Variants in SMARCC1 observed in about 807,000 individuals in gnomAD.
SMARCC1 encodes SWI/SNF complex subunit SMARCC1.
SMARCC1 carries 43 observed loss-of-function variants against 147.4 expected under a neutral mutation model. The ratio of observed to expected loss-of-function variants is 0.29; its 90% CI spans 0.23 to 0.38. SMARCC1 has a LOEUF of 0.38. Ranked by LOEUF, SMARCC1 falls within the 10% of genes least tolerant of loss-of-function variation. The pLI, the probability that SMARCC1 is intolerant of heterozygous loss-of-function variation, is 1.00. For synonymous variants in SMARCC1, 495 were observed against 484.4 expected, an observed-to-expected ratio of 1.02 and a Z score of -0.29; for missense variants, 1,119 against 1,381.1, an observed-to-expected ratio of 0.81 and a Z score of 3.01.
chr3:47,720,832 TAACG>T (rs961476435), intron 6 of SMARCC1, 97 bp from the exon 7 acceptor site: 104 of 982,780 alleles, frequency 1.1e-4, no homozygotes, highest in Non-Finnish European at 1.5e-4. Flanking sequence ...TTTAGTTTGC[TAACG>T]AACAACATTT....
intron 11 of SMARCC1, among the ~76,000 whole-genome samples, chr3:47,699,501 ATTC>A (rs1265974824): frequency 6.6e-6 from 1 of 152,172 alleles, no homozygotes; most frequent in Non-Finnish European, 1.5e-5. Flanking sequence ...TTCTCCTAGT[ATTC>A]TTAACTGCCC....
At position 47,743,386 on chromosome 3, in the gene SMARCC1, G is replaced by A. The variant is rs73085133; in HGVS notation, c.401+2522C>T. On this transcript the variant is annotated intron_variant, in intron 3 of 27. Transcript: ENST00000254480. ...TGACAATGCTAACCCTATCCTTTAC[G>A]TCTTTTTTAGTCCCACTTTTAATTT... Among the ~76,000 whole-genome samples the A allele has an allele frequency of 6.8e-3, 1,030 of 152,160 alleles. 5 individuals carry two copies. The highest frequency in any genetic ancestry group is 0.011 in the Non-Finnish European group (715 of 68,008).
intron 21 of SMARCC1, among the ~76,000 whole-genome samples, chr3:47,651,349 ACTTGCTCCAC>A (rs2033187930): frequency 6.6e-6 from 1 of 152,330 alleles, no homozygotes; most frequent in East Asian, 1.9e-4. Flanking sequence ...AAACTGCTCC[ACTTGCTCCAC>A]TTTGCATAAA....
intron 21 of SMARCC1, among the ~76,000 whole-genome samples, chr3:47,660,139 A>C (rs550462085): frequency 8.0e-4 from 122 of 152,256 alleles, no homozygotes; most frequent in Non-Finnish European, 1.4e-3. Context: ...AGCATTTTTC[A>C]TAGTAGTATA....
intron 2 of SMARCC1, among the ~76,000 whole-genome samples, chr3:47,759,910 C>G (rs577817205): frequency 6.6e-6 from 1 of 151,952 alleles, no homozygotes; most frequent in Admixed American, 6.6e-5. Context: ...GCACTCCAGC[C>G]TGGGCAACAA....
At chr3:47,771,516 G>C (rs894638441) in intron 2 of SMARCC1, among the ~76,000 whole-genome samples, 1 of 152,166 alleles carries the variant, frequency 6.6e-6, no homozygotes, top group African/African-American at 2.4e-5. Context: ...GGGAGGCCGA[G>C]GTAGGGAAAT....
In SMARCC1 at chr3:47,701,321, T is replaced by C. The variant is rs755152424; in HGVS notation, c.1122A>G (p.Pro374=). 6.2e-6 allele frequency: 10 copies of C among 1,613,338 alleles called. No homozygotes were observed. Among genetic ancestry groups the C allele is most frequent in the Non-Finnish European group, 8.5e-6 (10 of 1,179,278 alleles). The change falls in exon 11 of 28, where the codon CCA becomes CCG. Residue 374 remains proline, a synonymous_variant. Coordinates refer to ENST00000254480, the MANE Select transcript of SMARCC1 (RefSeq NM_003074.4). ...CTTCTTCTATATTGGGTACAGGTGT[T>C]GGGTCTTCCATATCCTTGGTTAGAT... ...QEDLTKDMED[P]TPVPNIEEVV... is the part of the protein sequence containing the mutation.
At position 47,620,323 on chromosome 3, in the gene SMARCC1, C is replaced by T. The variant is rs565369591; in HGVS notation, c.2781+1884G>A. Reference sequence around the variant, plus strand: ...ACAAAAAAACAAAAAATTAGCTGGGCGTGGTGGCGCACGCCTGTAATCCCA... The same window carrying T: ...ACAAAAAAACAAAAAATTAGCTGGGTGTGGTGGCGCACGCCTGTAATCCCA... On this transcript the variant is annotated intron_variant, in intron 25 of 27. Coordinates refer to ENST00000254480, the MANE Select transcript of SMARCC1 (RefSeq NM_003074.4). Among the ~76,000 whole-genome samples the T allele has an allele frequency of 9.2e-5, 14 of 151,996 alleles. No individual in the cohort carries two copies. The East Asian group carries it at 2.3e-3, about 25-fold the overall frequency.
At chr3:47,630,025 T>C (rs568633124) in intron 24 of SMARCC1, among the ~76,000 whole-genome samples, 31 of 151,740 alleles carry the variant, frequency 2.0e-4, no homozygotes, top group Non-Finnish European at 2.9e-4. Flanking sequence ...CTTTCACATA[T>C]TGGCTTTATA....
chr3:47,621,731 T>C (rs565165891), intron 25 of SMARCC1, among the ~76,000 whole-genome samples: 12 of 150,454 alleles, frequency 8.0e-5, no homozygotes, highest in South Asian at 4.2e-4. Context: ...ACAGCTTCAA[T>C]AGAAGCTTAA....
At chr3:47,635,168 A>G in intron 24 of SMARCC1, 22 bp downstream of exon 24, 1 of 1,608,950 alleles carries the variant, frequency 6.2e-7, no homozygotes, top group Non-Finnish European at 8.5e-7. Flanking sequence ...AGAGCACTGG[A>G]AAAGGGCTGT....
chr3:47,666,454 T>C (rs1486986289), intron 19 of SMARCC1, among the ~76,000 whole-genome samples: 1 of 90,748 alleles, frequency 1.1e-5, no homozygotes, highest in African/African-American at 3.2e-5. Context: ...CTACCTGCAG[T>C]GTCTGTCAGT....
intron 22 of SMARCC1, among the ~76,000 whole-genome samples, chr3:47,638,473 T>G (rs2033003255): frequency 6.6e-6 from 1 of 152,240 alleles, no homozygotes; most frequent in Non-Finnish European, 1.5e-5. Context: ...ATATTCCTTC[T>G]TCTTCTAATG....
chr3:47,637,772 C>T (rs373074406), intron 22 of SMARCC1, among the ~76,000 whole-genome samples: 1 of 151,660 alleles, frequency 6.6e-6, no homozygotes, highest in African/African-American at 2.4e-5. Context: ...TGTTCTGCCT[C>T]ACCCATCATG....
chr3:47,667,268 A>T (rs1433176840), intron 19 of SMARCC1, among the ~76,000 whole-genome samples: 1 of 151,644 alleles, frequency 6.6e-6, no homozygotes, highest in African/African-American at 2.4e-5. Context: ...CAGTGAGCCG[A>T]GATCACGCCA....
chr3:47,763,398 C>A (rs1413778732), intron 2 of SMARCC1, among the ~76,000 whole-genome samples: 2 of 126,288 alleles, frequency 1.6e-5, no homozygotes, highest in East Asian at 4.9e-4. Context: ...AATAGCGAGA[C>A]TCCAGCTCTA....
chr3:47,626,931 T>C (rs2032819413), intron 24 of SMARCC1, among the ~76,000 whole-genome samples: 1 of 152,166 alleles, frequency 6.6e-6, no homozygotes, highest in Admixed American at 6.5e-5. Context: ...AGGACTAGGA[T>C]TCTAATGAAG....
At chr3:47,721,566 AAACAG>A (rs2034233379) in intron 6 of SMARCC1, among the ~76,000 whole-genome samples, 1 of 152,180 alleles carries the variant, frequency 6.6e-6, no homozygotes. Flanking sequence ...ACAAACAAAC[AAACAG>A]ATCTAAGTAA....
chr3:47,770,372 G>C (rs1030402766), intron 2 of SMARCC1, among the ~76,000 whole-genome samples: 1 of 152,064 alleles, frequency 6.6e-6, no homozygotes, highest in African/African-American at 2.4e-5. Flanking sequence ...TATAATCCCA[G>C]CACTTTGGGA....
Sources: gnomAD v4.1 joint callset for allele counts (sites outside exome capture counted in the v4.1 genomes callset) on GRCh38, gnomAD v4.1.1 for gene constraint, MANE v1.5 for transcripts, NCBI Gene and HGNC (gene_info 2026-07-23, HGNC 2026-07-21) for gene names.